LRP1B: variants seen among roughly 807,000 people sequenced by gnomAD.
LRP1B encodes the protein low-density lipoprotein receptor-related protein 1B.
In LRP1B, 217 loss-of-function variants were observed where a neutral mutation model predicts 556.6. That is an observed-to-expected ratio of 0.39 (90% CI 0.35 to 0.44). LRP1B has a LOEUF of 0.44. LRP1B is among the 20% of genes least tolerant of loss of function. The probability of loss-of-function intolerance (pLI) is 1.00; values close to 1 mark genes in which losing one functional copy is unlikely to be tolerated. For synonymous variants in LRP1B, 2,047 were observed against 1,865.8 expected, an observed-to-expected ratio of 1.10 and a Z score of -2.50; for missense variants, 5,053 against 5,620.8, an observed-to-expected ratio of 0.90 and a Z score of 3.23.
At chr2:140,541,200 A>C (rs1267193477) in intron 44 of LRP1B, 102 bp from the exon 45 acceptor site, 4 of 967,530 alleles carry the variant, frequency 4.1e-6, no homozygotes, top group Non-Finnish European at 6.1e-6. Flanking sequence ...ATCTCTCAAT[A>C]ATATGTCATT....
intron 3 of LRP1B, among the ~76,000 whole-genome samples, chr2:141,392,833 C>G (rs1690104753): frequency 6.6e-6 from 1 of 152,118 alleles, no homozygotes; most frequent in African/African-American, 2.4e-5. Context: ...ATGCCCAGCA[C>G]TTAGGAATTG....
At chr2:141,922,681 A>C in intron 1 of LRP1B, among the ~76,000 whole-genome samples, 1 of 152,198 alleles carries the variant, frequency 6.6e-6, no homozygotes, top group South Asian at 2.1e-4. Flanking sequence ...AGGTGTTTAA[A>C]TCAACAGCTA....
At chr2:140,608,752 C>A (rs192954634) in intron 41 of LRP1B, among the ~76,000 whole-genome samples, 3 of 152,128 alleles carry the variant, frequency 2.0e-5, no homozygotes, top group African/African-American at 7.2e-5. Flanking sequence ...ACAACAACAA[C>A]AACAAAACAA....
chr2:140,425,391 G>C (rs1475866106), intron 66 of LRP1B, among the ~76,000 whole-genome samples: 1 of 151,968 alleles, frequency 6.6e-6, no homozygotes, highest in Non-Finnish European at 1.5e-5. Context: ...TCAATTATCT[G>C]TTCACCCACT....
At chr2:140,833,843 A>T (rs1166744962) in intron 31 of LRP1B, among the ~76,000 whole-genome samples, 1 of 152,162 alleles carries the variant, frequency 6.6e-6, no homozygotes, top group Non-Finnish European at 1.5e-5. Flanking sequence ...TAAAGGGGTT[A>T]AAAAAATCCC....
intron 3 of LRP1B, among the ~76,000 whole-genome samples, chr2:141,293,184 C>A (rs900844092): frequency 2.6e-5 from 4 of 151,980 alleles, no homozygotes; most frequent in African/African-American, 9.7e-5. Flanking sequence ...GAAACATGTC[C>A]AGAAAGAAGA....
At chr2:141,945,158 TC>T (rs1700918059) in intron 1 of LRP1B, among the ~76,000 whole-genome samples, 1 of 152,162 alleles carries the variant, frequency 6.6e-6, no homozygotes, top group South Asian at 2.1e-4. Context: ...ATATTTTCCT[TC>T]CTGATTACCA....
At position 140,274,547 on chromosome 2, in the gene LRP1B, T is replaced by A. The variant is rs2104952476; in HGVS notation, c.13019A>T (p.Asp4340Val). The stretch of plus-strand genomic sequence containing the variant: ...TGGACAGACACATTCAACACTTCCA[T>A]CATCCCCAATGGTACATGATTCAGA... Reference protein sequence around the residue: ...VNSESCTIGDDGSVECVCPTR... With the variant: ...VNSESCTIGDVGSVECVCPTR... Residue 4340 changes from aspartate to valine, a missense_variant, in exon 85 of 91, where the codon GAT (aspartate) becomes GTT (valine). This residue lies in a region of LRP1B where 551 missense variants were observed against 592.0 expected (regional missense o/e 0.93). Coordinates refer to ENST00000389484, the MANE Select transcript of LRP1B (RefSeq NM_018557.3). The A allele has an allele frequency of 6.2e-7, 1 of 1,612,576 alleles. No individual in the cohort carries two copies. Among genetic ancestry groups the A allele is most frequent in the Non-Finnish European group, 8.5e-7 (1 of 1,179,058 alleles).
At chr2:140,873,847 T>G (rs2105168119) in intron 25 of LRP1B, among the ~76,000 whole-genome samples, 1 of 152,010 alleles carries the variant, frequency 6.6e-6, no homozygotes, top group Admixed American at 6.6e-5. Flanking sequence ...AATTTTTCTC[T>G]AATTCAAAGC....
chr2:141,644,435 C>T (rs1205222061), intron 2 of LRP1B, among the ~76,000 whole-genome samples: 1 of 152,046 alleles, frequency 6.6e-6, no homozygotes, highest in Admixed American at 6.6e-5. Flanking sequence ...ACTGTAAGTC[C>T]ATCAAACCTC....
At chr2:142,109,459 T>C (rs954991960) in intron 1 of LRP1B, among the ~76,000 whole-genome samples, 1 of 152,132 alleles carries the variant, frequency 6.6e-6, no homozygotes, top group Non-Finnish European at 1.5e-5. Flanking sequence ...TTTTACAACA[T>C]TAGAACAAGG....
chr2:141,945,018 C>T (rs146737797), intron 1 of LRP1B, among the ~76,000 whole-genome samples: 44 of 152,114 alleles, frequency 2.9e-4, no homozygotes, highest in African/African-American at 9.6e-4. Flanking sequence ...TCTTGATATC[C>T]AGTAACTGCT....
At chr2:141,605,951 GA>G (rs35831162) in intron 2 of LRP1B, among the ~76,000 whole-genome samples, 44,681 of 146,434 alleles carry the variant, frequency 0.31, 7,530 homozygotes, top group Non-Finnish European at 0.39. Flanking sequence ...AAATGCAAAA[GA>G]AAAAAAAAAA....
chr2:140,567,640 A>T (rs1681174778), intron 43 of LRP1B, among the ~76,000 whole-genome samples: 1 of 152,172 alleles, frequency 6.6e-6, no homozygotes, highest in Non-Finnish European at 1.5e-5. Context: ...TAGGTTCACA[A>T]GACCTTAAGC....
intron 3 of LRP1B, among the ~76,000 whole-genome samples, chr2:141,452,003 T>C (rs983326664): frequency 6.6e-6 from 1 of 152,210 alleles, no homozygotes; most frequent in Non-Finnish European, 1.5e-5. Flanking sequence ...ATTTATTAAA[T>C]GCCTCCTCTT....
intron 6 of LRP1B, among the ~76,000 whole-genome samples, chr2:141,194,946 T>C (rs759598703): frequency 4.6e-5 from 7 of 152,114 alleles, no homozygotes; most frequent in Non-Finnish European, 7.4e-5. Context: ...CTAGAGAATA[T>C]TTTAGTACCA....
intron 39 of LRP1B, 72 bp from the exon 40 acceptor site, chr2:140,701,917 A>G (rs1172529501): frequency 3.8e-6 from 6 of 1,573,514 alleles, no homozygotes; most frequent in Non-Finnish European, 5.2e-6. Flanking sequence ...CTTAAGCTGA[A>G]GATAACAGAT....
chr2:140,540,561 A>G (rs1393846155), intron 45 of LRP1B, among the ~76,000 whole-genome samples: 2 of 152,116 alleles, frequency 1.3e-5, no homozygotes, highest in African/African-American at 4.8e-5. Context: ...TCTCATTTAC[A>G]TACTATGATG....
intron 3 of LRP1B, among the ~76,000 whole-genome samples, chr2:141,421,851 A>T (rs72846877): frequency 0.096 from 14,666 of 152,186 alleles, 1,058 homozygotes; most frequent in Non-Finnish European, 0.14. Context: ...TAAGATCCAC[A>T]TTAAATACCA....
Sources: gnomAD v4.1 joint callset for allele counts (sites outside exome capture counted in the v4.1 genomes callset) on GRCh38, gnomAD v4.1.1 for gene constraint, gnomAD v4.1.1 regional missense constraint, MANE v1.5 for transcripts, NCBI Gene and HGNC (gene_info 2026-07-23, HGNC 2026-07-21) for gene names.